DAZAP1: variants seen among roughly 807,000 people sequenced by gnomAD.
DAZAP1 encodes the protein DAZ associated protein 1.
Under a neutral mutation model 60.1 loss-of-function variants are expected in DAZAP1, and 6 were observed. That is an observed-to-expected ratio of 0.10 (90% CI 0.05 to 0.20). The LOEUF (loss-of-function observed/expected upper bound fraction) is 0.20, where lower values mean the gene tolerates loss of function less well. Among genes scored for constraint, DAZAP1 ranks in the 10% least tolerant of loss-of-function variants. The pLI is 1.00. For synonymous variants in DAZAP1, 235 were observed against 215.9 expected (o/e 1.09, Z -0.78); for missense variants, 366 against 560.4 (o/e 0.65, Z 3.50).
Position 1,423,604 on chromosome 19 carries a change from A to G in DAZAP1, c.463+1208A>G, listed in dbSNP as rs1600223455. ...AGACAGCGCTCAGGGCGCCTCCCCC[A>G]GGACCCAGCGCCTCTTGCACTGTGC... On this transcript the variant is annotated intron_variant, in intron 6 of 11. Transcript: ENST00000233078. The surrounding 1 kb of genome is among the most constrained non-coding windows in gnomAD (Gnocchi z 6.8). 6.6e-6 allele frequency among the ~76,000 whole-genome samples: 1 copy of G among 152,194 alleles called. No individual in the cohort carries two copies. The highest frequency in any genetic ancestry group is 2.4e-5 in the African/African-American group (1 of 41,442).
Position 1,422,455 on chromosome 19 carries a change from C to G in DAZAP1, c.463+59C>G. The G allele has an allele frequency of 6.6e-7, 1 of 1,522,266 alleles. No homozygotes were observed. The highest frequency in any genetic ancestry group is 9.1e-7 in the Non-Finnish European group (1 of 1,098,644). 94.3% of individuals were successfully genotyped at this position (1,522,266 alleles called of 1,614,324 possible). Reference sequence around the variant, plus strand: ...CCCTGCTCCTCCCTCAGATGGCAAACTATCTCACCCGCCAGGCACACACAG... The same window carrying G: ...CCCTGCTCCTCCCTCAGATGGCAAAGTATCTCACCCGCCAGGCACACACAG... On this transcript the variant is annotated intron_variant, in intron 6 of 11. Coordinates refer to ENST00000233078, the MANE Select transcript of DAZAP1 (RefSeq NM_018959.4). This position sits in a 1 kb window ranked among gnomAD's most constrained non-coding sequence, Gnocchi z 4.5.
intron 1 of DAZAP1, among the ~76,000 whole-genome samples, chr19:1,413,719 C>T (rs138194467): frequency 6.6e-6 from 1 of 152,156 alleles, no homozygotes; most frequent in Non-Finnish European, 1.5e-5. Context: ...GGCGGGTCAC[C>T]TGCGGTGGGG....
intron 1 of DAZAP1, among the ~76,000 whole-genome samples, chr19:1,410,696 T>A (rs1042194356): frequency 1.8e-4 from 28 of 152,288 alleles, no homozygotes; most frequent in East Asian, 1.4e-3. Context: ...CCTGGCCTAC[T>A]GGGGAGAGGA....
intron 1 of DAZAP1, chr19:1,415,987 T>G (rs1320655455): frequency 6.6e-6 from 1 of 152,078 alleles, no homozygotes; most frequent in Non-Finnish European, 1.5e-5. Flanking sequence ...AATCAGTCGT[T>G]CTTAGGGAAA....
At position 1,428,707 on chromosome 19, in the gene DAZAP1, A is replaced by T; in HGVS notation, c.547-135A>T. 9.3e-7 allele frequency: 1 copy of T among 1,077,218 alleles called. No individual in the cohort carries two copies. The highest frequency in any genetic ancestry group is 1.3e-6 in the Non-Finnish European group (1 of 753,238). The allele number at this position is 1,077,218 out of a possible 1,614,324, so 66.7% of individuals were successfully genotyped here. On this transcript the variant is annotated intron_variant, in intron 7 of 11. Transcript: ENST00000233078. The surrounding 1 kb of genome is among the most constrained non-coding windows in gnomAD (Gnocchi z 4.0). ...AGAAAAAAATGCTACTGGCCTAAAT[A>T]AGGTTTATAGTTAAGTATTTAGTCT...
Position 1,407,619 on chromosome 19 carries a change from A to ACCGCC in DAZAP1, c.-155_-154insCCGCC. 4.2e-6 allele frequency: 1 copy of ACCGCC among 239,100 alleles called. No homozygotes were observed. The highest frequency in any genetic ancestry group is 6.5e-6 in the Non-Finnish European group (1 of 154,750). 14.8% of individuals were successfully genotyped at this position (239,100 alleles called of 1,614,324 possible). A position where few individuals can be genotyped will look rare whatever the true frequency, so the allele number is the denominator to read the frequency against. The stretch of plus-strand genomic sequence containing the variant: ...ACCGTTGGCGCCGAGGGGAGGAGGC[A>ACCGCC]GCCGCCGCCGCCGCCGCCGCCGCCG... On this transcript the variant is annotated 5_prime_UTR_variant, in exon 1 of 12. Transcript: ENST00000233078.
chr19:1,411,558 A>G lies in DAZAP1; in HGVS notation c.29+3756A>G, dbSNP rs1254152244. Among the ~76,000 whole-genome samples, 9 of 152,260 alleles carry G rather than the reference A, an allele frequency of 5.9e-5. No individual in the cohort carries two copies. In the South Asian group the frequency reaches 1.7e-3, roughly 28 times the overall value. On this transcript the variant is annotated intron_variant, in intron 1 of 11. Transcript: ENST00000233078. ...TCCTGACTGGCTCGCCTTGGCTCCA[A>G]TGGTCTGGAGCAGGCCGGTGTCTAG...
chr19:1,426,207 C>G lies in DAZAP1; in HGVS notation c.546+247C>G. ...GCCCCTCCCTCTGGGTGACCTGGGA[C>G]TGGGCGGGTAGGGGGCTGGGGCTGG... is the stretch of plus-strand genomic sequence containing the variant. On this transcript the variant is annotated intron_variant, in intron 7 of 11. Transcript: ENST00000233078. This position sits in a 1 kb window ranked among gnomAD's most constrained non-coding sequence, Gnocchi z 5.4. The G allele has an allele frequency of 2.1e-6, 1 of 475,054 alleles. No individual in the cohort carries two copies. Among genetic ancestry groups the G allele is most frequent in the Non-Finnish European group, 3.9e-6 (1 of 258,184 alleles). The allele number at this position is 475,054 out of a possible 1,614,324, so 29.4% of individuals were successfully genotyped here. A position where few individuals can be genotyped will look rare whatever the true frequency, so the allele number is the denominator to read the frequency against.
Position 1,434,798 on chromosome 19 carries a change from T to C in DAZAP1, c.1110T>C (p.Pro370=), listed in dbSNP as rs777056779. 10 of 1,612,558 alleles carry C rather than the reference T, an allele frequency of 6.2e-6. No individual in the cohort carries two copies. In the Admixed American group the frequency reaches 1.7e-4, roughly 27 times the overall value. ...GCTTCTCAGACCCCAGCCAGCAGCC[T>C]CCTTCCTACGGGGGTCCCTCCGTGC... The part of the protein sequence containing the change: ...GQGFSDPSQQ[P]PSYGGPSVPG... The change falls in exon 12 of 12, where the codon CCT becomes CCC. Residue 370 remains proline (P), a synonymous_variant. Coordinates refer to ENST00000233078, the MANE Select transcript of DAZAP1 (RefSeq NM_018959.4). The surrounding 1 kb of genome is among the most constrained non-coding windows in gnomAD (Gnocchi z 8.0).
rs944139461 is a variant in DAZAP1, at chr19:1,428,365, T to A, written c.547-477T>A. 6.5e-6 allele frequency: 1 copy of A among 153,390 alleles called. No homozygotes were observed. Among genetic ancestry groups the A allele is most frequent in the Non-Finnish European group, 1.5e-5 (1 of 68,926 alleles). 9.5% of individuals were successfully genotyped at this position (153,390 alleles called of 1,614,324 possible). On this transcript the variant is annotated intron_variant, in intron 7 of 11. Coordinates refer to ENST00000233078, the MANE Select transcript of DAZAP1 (RefSeq NM_018959.4). The surrounding 1 kb of genome is among the most constrained non-coding windows in gnomAD (Gnocchi z 4.0). ...ATTAGACATTTTAAATTTAAAAATC[T>A]AAGTAAAACACCAGCCGTGTTTCTC...
rs1014964721 is a variant in DAZAP1 at position 1,418,940 on chromosome 19, A to G, written c.303+209A>G. 2.7e-5 allele frequency among the ~76,000 whole-genome samples: 4 copies of G among 148,468 alleles called. No homozygotes were observed. Among genetic ancestry groups the G allele is most frequent in the African/African-American group, 7.6e-5 (3 of 39,382 alleles). On this transcript the variant is annotated intron_variant, in intron 4 of 11. Transcript: ENST00000233078. This position sits in a 1 kb window ranked among gnomAD's most constrained non-coding sequence, Gnocchi z 5.7. ...AAATTCTTACTAATCTATCTTAGGG[A>G]AAAAAAAAATGACAGCTCATGCCAC...
chr19:1,410,986 C>T (rs1037720455), intron 1 of DAZAP1, among the ~76,000 whole-genome samples: 13 of 152,212 alleles, frequency 8.5e-5, no homozygotes, highest in African/African-American at 2.9e-4. Flanking sequence ...TGGCAGGTCT[C>T]TGGGTTTATT....
chr19:1,413,117 C>A (rs2082876081), intron 1 of DAZAP1, among the ~76,000 whole-genome samples: 1 of 152,212 alleles, frequency 6.6e-6, no homozygotes, highest in Non-Finnish European at 1.5e-5. Flanking sequence ...GTTGCCTTGC[C>A]CCGTTAACGT....
intron 4 of DAZAP1, among the ~76,000 whole-genome samples, chr19:1,419,822 G>A (rs2083096348): frequency 7.0e-6 from 1 of 142,636 alleles, no homozygotes; most frequent in Non-Finnish European, 1.5e-5. Context: ...TCACGGCAGC[G>A]AGCACTCACC....
chr19:1,418,768 T>A lies in DAZAP1; in HGVS notation c.303+37T>A. ...GGCCGGGCGGCCTCCTTGTGTGTTC[T>A]CCACTCCACGTGGAAAGGAAATGCG... On this transcript the variant is annotated intron_variant, in intron 4 of 11. Coordinates refer to ENST00000233078, the MANE Select transcript of DAZAP1 (RefSeq NM_018959.4). The surrounding 1 kb of genome is among the most constrained non-coding windows in gnomAD (Gnocchi z 5.7). 1 of 1,556,480 alleles carries A rather than the reference T, an allele frequency of 6.4e-7. No homozygotes were observed. Among genetic ancestry groups the A allele is most frequent in the Non-Finnish European group, 8.7e-7 (1 of 1,151,160 alleles).
chr19:1,429,423 G>A (rs185999871), intron 8 of DAZAP1, among the ~76,000 whole-genome samples: 5 of 152,234 alleles, frequency 3.3e-5, no homozygotes, highest in African/African-American at 7.2e-5. Context: ...CTGCAGTGCC[G>A]TGGGCCCTCT....
rs563153686 is a variant in DAZAP1 at position 1,422,757 on chromosome 19, G to A, written c.463+361G>A. The stretch of plus-strand genomic sequence containing the variant: ...AGTGTGGCCGGTCTCATTTCGTGTC[G>A]TCAGCTGGGTCAGCTGGCTCGGTGT... On this transcript the variant is annotated intron_variant, in intron 6 of 11. Transcript: ENST00000233078. The surrounding 1 kb of genome is among the most constrained non-coding windows in gnomAD (Gnocchi z 4.5). 7.2e-5 allele frequency among the ~76,000 whole-genome samples: 11 copies of A among 151,992 alleles called. No homozygotes were observed. Among genetic ancestry groups the A allele is most frequent in the Admixed American group, 2.0e-4 (3 of 15,272 alleles).
Position 1,434,419 on chromosome 19 carries a change from G to A in DAZAP1, c.1049-318G>A, listed in dbSNP as rs577489807. On this transcript the variant is annotated intron_variant, in intron 11 of 11. Coordinates refer to ENST00000233078, the MANE Select transcript of DAZAP1 (RefSeq NM_018959.4). This position sits in a 1 kb window ranked among gnomAD's most constrained non-coding sequence, Gnocchi z 8.0. The stretch of plus-strand genomic sequence containing the variant: ...TGGGCCATGTGTGTCTCCAAGCCCC[G>A]AGGCTTCTCTACCTCCCCTCACCCC... The A allele has an allele frequency of 1.8e-4, 56 of 317,678 alleles. 2 individuals are homozygous for A. In the South Asian group the frequency reaches 2.1e-3, roughly 12 times the overall value. The allele number at this position is 317,678 out of a possible 1,614,324, so 19.7% of individuals were successfully genotyped here.
rs1377679041 is a variant in DAZAP1, at chr19:1,422,253, C to G, written c.415-95C>G. 6 of 1,179,214 alleles carry G rather than the reference C, an allele frequency of 5.1e-6. No individual in the cohort carries two copies. Among genetic ancestry groups the G allele is most frequent in the Non-Finnish European group, 7.5e-6 (6 of 796,458 alleles). The allele number at this position is 1,179,214 out of a possible 1,614,324, so 73.0% of individuals were successfully genotyped here. ...CCGCTCAGGGAGGGCGCACCCTGTG[C>G]GAGAGTTTGGGTTCGTGGGAACAGG... On this transcript the variant is annotated intron_variant, in intron 5 of 11. Coordinates refer to ENST00000233078, the MANE Select transcript of DAZAP1 (RefSeq NM_018959.4). The surrounding 1 kb of genome is among the most constrained non-coding windows in gnomAD (Gnocchi z 4.5).
Sources: allele counts gnomAD v4.1 joint callset (sites outside exome capture counted in the v4.1 genomes callset), GRCh38; gene constraint gnomAD v4.1.1; non-coding constraint Gnocchi (gnomAD v3.1); transcripts MANE v1.5; gene names NCBI Gene and HGNC (gene_info 2026-07-23, HGNC 2026-07-21).